CEP89: variants seen among roughly 807,000 people sequenced by gnomAD.
CEP89 encodes the protein centrosomal protein 89, also known as centrosomal protein of 89 kDa.
Under a neutral mutation model 97.6 loss-of-function variants are expected in CEP89, and 95 were observed. The observed-to-expected ratio is 0.97, with a 90% CI of 0.82 to 1.15. CEP89 has a LOEUF of 1.15. CEP89 is among the 50% of genes most tolerant of loss of function. The pLI is 0.00. For missense variants in CEP89, 869 were observed against 947.7 expected, an observed-to-expected ratio of 0.92 and a Z score of 1.09; for synonymous variants, 354 against 349.1, an observed-to-expected ratio of 1.01 and a Z score of -0.16.
chr19:32,915,141 C>T (rs560699377), intron 14 of CEP89, among the ~76,000 whole-genome samples, 196 bp downstream of exon 14: 6 of 151,852 alleles, frequency 4.0e-5, no homozygotes, highest in African/African-American at 1.5e-4. Context: ...TAACCACAGG[C>T]AGAGTGACTC....
At chr19:32,913,274 G>T (rs1382466229) in intron 14 of CEP89, among the ~76,000 whole-genome samples, 1 of 139,364 alleles carries the variant, frequency 7.2e-6, no homozygotes, top group Admixed American at 7.6e-5. Flanking sequence ...TTTTTGACAT[G>T]AGAAAATAGC....
intron 12 of CEP89, among the ~76,000 whole-genome samples, chr19:32,923,003 C>T (rs1970282989): frequency 6.6e-6 from 1 of 152,142 alleles, no homozygotes. Flanking sequence ...GGGGCAACCT[C>T]AGTTGTCAGG....
At chr19:32,925,803 A>C (rs1970345163) in intron 11 of CEP89, among the ~76,000 whole-genome samples, 1 of 152,062 alleles carries the variant, frequency 6.6e-6, no homozygotes, top group Non-Finnish European at 1.5e-5. Context: ...GTCCCTTCTA[A>C]TGGTGGTATT....
chr19:32,940,406 C>T (rs1295718724), intron 5 of CEP89, among the ~76,000 whole-genome samples: 7 of 150,238 alleles, frequency 4.7e-5, no homozygotes, highest in South Asian at 4.2e-4. Flanking sequence ...CTTCCCATGC[C>T]GGGCTCCTCC....
rs1215129126 is a variant in CEP89, at chr19:32,936,950, G to C, written c.667+681C>G. 6.5e-6 allele frequency: 1 copy of C among 152,758 alleles called. No homozygotes were observed. Among genetic ancestry groups the C allele is most frequent in the African/African-American group, 2.4e-5 (1 of 41,390 alleles). The allele number at this position is 152,758 out of a possible 1,614,324, so 9.5% of individuals were successfully genotyped here. Reference sequence around the variant, plus strand: ...GAGCTACCCACTGTGGGTCTCCTCTGAACTGTTCTAACATGCAGTAAAGCT... The same window carrying C: ...GAGCTACCCACTGTGGGTCTCCTCTCAACTGTTCTAACATGCAGTAAAGCT... On this transcript the variant is annotated intron_variant, in intron 7 of 18. Coordinates refer to ENST00000305768, the MANE Select transcript of CEP89 (RefSeq NM_032816.5). The surrounding 1 kb of genome is among the most constrained non-coding windows in gnomAD (Gnocchi z 4.5).
chr19:32,889,689 G>A (rs941889507), intron 16 of CEP89, among the ~76,000 whole-genome samples: 13 of 152,124 alleles, frequency 8.5e-5, no homozygotes, highest in Admixed American at 6.5e-4. Context: ...AGAGGCATGG[G>A]GCCTGCACCC....
intron 16 of CEP89, among the ~76,000 whole-genome samples, chr19:32,895,963 A>C (rs1006915804): frequency 6.6e-6 from 1 of 152,202 alleles, no homozygotes; most frequent in Admixed American, 6.5e-5. Flanking sequence ...AAAGACAATG[A>C]AGCTGATTCA....
rs75669389 is a variant in CEP89, at chr19:32,896,145, G to A, written c.1875+3712C>T. Among the ~76,000 whole-genome samples, 26 of 152,144 alleles carry A rather than the reference G, an allele frequency of 1.7e-4. No homozygotes were observed. The East Asian group carries it at 4.2e-3, about 25-fold the overall frequency. The stretch of plus-strand genomic sequence containing the variant: ...ACTTTATACATATGGAACCAAAAAG[G>A]AGCCTGAAAAGGCAAATCAGTCCTG... On this transcript the variant is annotated intron_variant, in intron 16 of 18. Coordinates refer to ENST00000305768, the MANE Select transcript of CEP89 (RefSeq NM_032816.5).
intron 14 of CEP89, among the ~76,000 whole-genome samples, chr19:32,907,228 G>A (rs2145896234): frequency 6.6e-6 from 1 of 152,248 alleles, no homozygotes; most frequent in East Asian, 1.9e-4. Context: ...CCGCACGATG[G>A]CGCGTGACTA....
intron 3 of CEP89, among the ~76,000 whole-genome samples, chr19:32,954,988 T>C (rs1971017094): frequency 1.3e-5 from 2 of 151,254 alleles, no homozygotes; most frequent in Non-Finnish European, 3.0e-5. Flanking sequence ...AATAAGTATT[T>C]TTATTTTTTA....
intron 5 of CEP89, among the ~76,000 whole-genome samples, chr19:32,944,086 G>A (rs1405606390): frequency 6.6e-6 from 1 of 151,938 alleles, no homozygotes; most frequent in African/African-American, 2.4e-5. Context: ...AATTAGCCAG[G>A]CATGATGATG....
rs566467721 is a variant in CEP89, at chr19:32,917,922, G to A, written c.1384+302C>T. On this transcript the variant is annotated intron_variant, in intron 13 of 18. Coordinates refer to ENST00000305768, the MANE Select transcript of CEP89 (RefSeq NM_032816.5). ...GTGTTATTTCAGATGTTTACCTCAC[G>A]TGATCATTCCCATTTCTAAGGTACT... 2.2e-5 allele frequency: 8 copies of A among 360,198 alleles called. No individual in the cohort carries two copies. In the East Asian group the frequency reaches 1.3e-3, roughly 59 times the overall value. The allele number at this position is 360,198 out of a possible 1,614,324, so 22.3% of individuals were successfully genotyped here. A position where few individuals can be genotyped will look rare whatever the true frequency, so the allele number is the denominator to read the frequency against.
At chr19:32,960,134 C>G (rs1971136760) in intron 2 of CEP89, 76 bp from the exon 3 acceptor site, 1 of 1,498,784 alleles carries the variant, frequency 6.7e-7, no homozygotes, top group Non-Finnish European at 9.2e-7. Flanking sequence ...TACATAAACT[C>G]ATCAAGGCTT....
intron 14 of CEP89, among the ~76,000 whole-genome samples, chr19:32,902,006 C>CTGTGTGTGTGTGTGTGTGTGTGTGTG: frequency 1.0e-5 from 1 of 98,772 alleles, no homozygotes; most frequent in East Asian, 2.4e-4. Context: ...GTCTCTCTCT[C>CTGTGTGTGTGTGTGTGTGTGTGTGTG]TCTCTGTGTG....
intron 18 of CEP89, 55 bp from the exon 19 acceptor site, chr19:32,879,433 T>A (rs1969232655): frequency 3.5e-6 from 5 of 1,430,126 alleles, no homozygotes; most frequent in Non-Finnish European, 4.9e-6. Context: ...AGAGCCCATA[T>A]GAATCCCAAA....
In CEP89 at chr19:32,954,363, T is replaced by G. The variant is rs187414281; in HGVS notation, c.306-562A>C. The stretch of plus-strand genomic sequence containing the variant: ...TGTCTTGTTATGAATAAGGGTTTTT[T>G]GTTTTTTTGTTTTTTTTTTGAGACA... On this transcript the variant is annotated intron_variant, in intron 3 of 18. Transcript: ENST00000305768. 3.4e-3 allele frequency among the ~76,000 whole-genome samples: 436 copies of G among 127,928 alleles called. 2 individuals carry two copies. The highest frequency in any genetic ancestry group is 0.012 in the African/African-American group (414 of 34,606). The allele number at this position is 127,928 out of a possible 152,430, so 83.9% of individuals were successfully genotyped here. A position where few individuals can be genotyped will look rare whatever the true frequency, so the allele number is the denominator to read the frequency against.
At chr19:32,912,526 G>C (rs1222062136) in intron 14 of CEP89, among the ~76,000 whole-genome samples, 1 of 152,064 alleles carries the variant, frequency 6.6e-6, no homozygotes, top group Non-Finnish European at 1.5e-5. Flanking sequence ...TTTTGAGCTT[G>C]CCTGCCCCCA....
In CEP89 at chr19:32,881,901, A is replaced by G. The variant is rs1330428319; in HGVS notation, c.2078T>C (p.Leu693Pro). Reference sequence around the variant, plus strand: ...CTGCTTGTCCTTCAGCACCTGGTGCAGGTGCCGCATCTCCTGCCGGTACTG... The same window carrying G: ...CTGCTTGTCCTTCAGCACCTGGTGCGGGTGCCGCATCTCCTGCCGGTACTG... ...TAQYRQEMRH[L>P]HQVLKDKQEV... The change falls in exon 18 of 19, where the codon CTG (leucine) becomes CCG (proline). Residue 693 changes from leucine (L) to proline (P), a missense_variant. Transcript: ENST00000305768. 1 of 1,606,470 alleles carries G rather than the reference A, an allele frequency of 6.2e-7. No homozygotes were observed. The highest frequency in any genetic ancestry group is 2.2e-5 in the East Asian group (1 of 44,802).
intron 14 of CEP89, among the ~76,000 whole-genome samples, chr19:32,911,764 T>C (rs1970005552): frequency 6.6e-6 from 1 of 152,186 alleles, no homozygotes; most frequent in Admixed American, 6.5e-5. Context: ...AAGCTTCACA[T>C]GCACTAGCTC....
Sources: allele counts gnomAD v4.1 joint callset (sites outside exome capture counted in the v4.1 genomes callset), GRCh38; gene constraint gnomAD v4.1.1; non-coding constraint Gnocchi (gnomAD v3.1); transcripts MANE v1.5; gene names NCBI Gene and HGNC (gene_info 2026-07-23, HGNC 2026-07-21).